The following ST8SIA5 variants were observed in gnomAD, a reference collection of about 807,000 sequenced individuals.
ST8SIA5 encodes alpha-2,8-sialyltransferase 8E.
A neutral mutation model predicts 40.2 loss-of-function variants in ST8SIA5; 24 were observed. That is an observed-to-expected ratio of 0.60 (90% CI 0.43 to 0.84). The LOEUF (loss-of-function observed/expected upper bound fraction) is 0.84. Ranked by LOEUF, ST8SIA5 falls within the 40% of genes least tolerant of loss-of-function variation. The probability of loss-of-function intolerance (pLI) is 0.00; values close to 1 mark genes in which losing one functional copy is unlikely to be tolerated. For synonymous variants in ST8SIA5, 198 were observed against 201.8 expected (o/e 0.98, Z 0.16); for missense variants, 465 against 498.5 (o/e 0.93, Z 0.64).
At chr18:46,730,348 A>AGG in intron 1 of ST8SIA5, 1 of 733,252 alleles carries the variant, frequency 1.4e-6, no homozygotes, top group Non-Finnish European at 1.7e-6. Context: ...CCTCAACCTA[A>AGG]GGATATAAAC....
At chr18:46,737,343 G>A (rs78613547) in intron 1 of ST8SIA5, among the ~76,000 whole-genome samples, 5,408 of 152,238 alleles carry the variant, frequency 0.036, 134 homozygotes, top group Middle Eastern at 0.088. Flanking sequence ...TTTATACACT[G>A]TCTTACATAA....
chr18:46,723,081 G>C (rs1218325184), intron 1 of ST8SIA5: 2 of 153,908 alleles, frequency 1.3e-5, no homozygotes, highest in Admixed American at 6.5e-5. Context: ...CGACATGGGC[G>C]AGATTGACAA....
intron 1 of ST8SIA5, among the ~76,000 whole-genome samples, chr18:46,749,157 A>G (rs1304574439): frequency 1.3e-5 from 2 of 152,206 alleles, no homozygotes; most frequent in East Asian, 3.9e-4. Flanking sequence ...CAAAACGGGA[A>G]AATCTAGGGA....
At chr18:46,752,722 G>C (rs1017156331) in intron 1 of ST8SIA5, among the ~76,000 whole-genome samples, 1 of 152,162 alleles carries the variant, frequency 6.6e-6, no homozygotes, top group Non-Finnish European at 1.5e-5. Context: ...CTGGGCTGTC[G>C]CTAAATTCTC....
chr18:46,695,016 G>T (rs553336410), intron 2 of ST8SIA5, among the ~76,000 whole-genome samples: 21 of 152,060 alleles, frequency 1.4e-4, no homozygotes, highest in African/African-American at 4.3e-4. Context: ...AAAATTAGCC[G>T]GGCATGGCAG....
chr18:46,735,934 T>C (rs998107158), intron 1 of ST8SIA5, among the ~76,000 whole-genome samples: 2 of 152,206 alleles, frequency 1.3e-5, no homozygotes, highest in Non-Finnish European at 2.9e-5. Flanking sequence ...CTATATTGTT[T>C]TGAAAGATGT....
chr18:46,690,826 G>C (rs531960452), intron 3 of ST8SIA5, among the ~76,000 whole-genome samples: 69 of 152,212 alleles, frequency 4.5e-4, no homozygotes, highest in Admixed American at 1.9e-3. Context: ...ATGTTGGCCA[G>C]GCTGATCTTG....
intron 1 of ST8SIA5, among the ~76,000 whole-genome samples, chr18:46,728,719 C>A (rs2039956691): frequency 1.3e-5 from 2 of 152,272 alleles, no homozygotes; most frequent in South Asian, 4.1e-4. Context: ...AGGCTGAGGC[C>A]CCCCCACATG....
At chr18:46,688,678 G>A in intron 4 of ST8SIA5, 97 bp downstream of exon 4, 12 of 1,466,954 alleles carry the variant, frequency 8.2e-6, no homozygotes, top group Non-Finnish European at 1.1e-5. Context: ...AGAGGACCGT[G>A]AGTGAGTCAG....
chr18:46,728,095 T>A (rs2039949073), intron 1 of ST8SIA5, among the ~76,000 whole-genome samples: 1 of 150,934 alleles, frequency 6.6e-6, no homozygotes, highest in South Asian at 2.1e-4. Context: ...CTCAGGAGGC[T>A]GAGGCAGGAG....
chr18:46,726,072 T>C (rs1211374211), intron 1 of ST8SIA5, among the ~76,000 whole-genome samples: 1 of 133,074 alleles, frequency 7.5e-6, no homozygotes, highest in Non-Finnish European at 1.6e-5. Flanking sequence ...TGCACACCTG[T>C]AGTCCCAGCT....
chr18:46,728,653 A>G (rs1319371554), intron 1 of ST8SIA5, among the ~76,000 whole-genome samples: 1 of 152,236 alleles, frequency 6.6e-6, no homozygotes, highest in African/African-American at 2.4e-5. Flanking sequence ...CATGTGCTCA[A>G]GACAAAATGC....
At position 46,688,865 on chromosome 18, in the gene ST8SIA5, C is replaced by T; in HGVS notation, c.366G>A (p.Lys122=). The T allele has an allele frequency of 6.2e-7, 1 of 1,614,124 alleles. No homozygotes were observed. ...TGAGCTTTGTCCCCAGGGGAGTGTT[C>T]TTCTGGGTGGTGAAGAGAAAGGCAG... ...NAPAFLFTTQ[K]NTPLGTKLKY... is the part of the protein sequence containing the mutation. The change falls in exon 4 of 7, where the codon AAG becomes AAA. Residue 122 remains lysine (K), a synonymous_variant. Transcript: ENST00000315087.
chr18:46,703,097 C>T (rs989770344), intron 2 of ST8SIA5, among the ~76,000 whole-genome samples: 5 of 152,220 alleles, frequency 3.3e-5, no homozygotes, highest in East Asian at 1.9e-4. Flanking sequence ...CTATGATGTG[C>T]GCTACTGAGC....
intron 1 of ST8SIA5, among the ~76,000 whole-genome samples, chr18:46,719,899 C>T (rs1599131724): frequency 6.6e-6 from 1 of 150,562 alleles, no homozygotes; most frequent in South Asian, 2.1e-4. Flanking sequence ...AGTGCAGTGG[C>T]ACAATCTGAG....
intron 1 of ST8SIA5, among the ~76,000 whole-genome samples, chr18:46,726,180 T>G (rs774523499): frequency 3.4e-4 from 51 of 148,892 alleles, no homozygotes; most frequent in Non-Finnish European, 7.0e-4. Flanking sequence ...GGTGACTGAG[T>G]GAGACTCTGT....
At chr18:46,730,942 C>T (rs1296514993) in intron 1 of ST8SIA5, among the ~76,000 whole-genome samples, 1 of 152,192 alleles carries the variant, frequency 6.6e-6, no homozygotes, top group Admixed American at 6.5e-5. Flanking sequence ...GATTGTGCTA[C>T]TGCACTACAG....
chr18:46,691,246 C>G (rs986412666), intron 3 of ST8SIA5, among the ~76,000 whole-genome samples: 1 of 152,240 alleles, frequency 6.6e-6, no homozygotes, highest in African/African-American at 2.4e-5. Context: ...CAAGTGTTAT[C>G]ACTTTAAACA....
chr18:46,682,807 T>C (rs1420130344), intron 5 of ST8SIA5, among the ~76,000 whole-genome samples: 3 of 152,210 alleles, frequency 2.0e-5, no homozygotes, highest in Non-Finnish European at 4.4e-5. Flanking sequence ...GGCAACAGAA[T>C]TGGAGTCAGA....
Sources: allele counts gnomAD v4.1 joint callset (sites outside exome capture counted in the v4.1 genomes callset), GRCh38; gene constraint gnomAD v4.1.1; transcripts MANE v1.5; gene names NCBI Gene and HGNC (gene_info 2026-07-23, HGNC 2026-07-21).